NLRP7: variants seen among roughly 807,000 people sequenced by gnomAD.
NLRP7 encodes NACHT, LRR and PYD domains-containing protein 7.
In NLRP7, 72 loss-of-function variants were observed where a neutral mutation model predicts 85.5. The ratio of observed to expected loss-of-function variants is 0.84; its 90% CI spans 0.70 to 1.02. The LOEUF is 1.02. Ranked by LOEUF, NLRP7 falls within the 50% of genes least tolerant of loss-of-function variation. The probability of loss-of-function intolerance (pLI) is 0.00; values close to 1 mark genes in which losing one functional copy is unlikely to be tolerated. For synonymous variants in NLRP7, 550 were observed against 505.2 expected, an observed-to-expected ratio of 1.09 and a Z score of -1.19; for missense variants, 1,243 against 1,219.5, an observed-to-expected ratio of 1.02 and a Z score of -0.29.
At chr19:54,960,744 C>T (rs900554820) in intron 1 of NLRP7, among the ~76,000 whole-genome samples, 15 of 152,072 alleles carry the variant, frequency 9.9e-5, no homozygotes, top group African/African-American at 2.4e-4. Flanking sequence ...TACAGGCACC[C>T]GCCACCGTGC....
exon 4 of NLRP7, chr19:54,939,704 G>A (rs1276773769): frequency 6.2e-7 from 1 of 1,613,528 alleles, no homozygotes; most frequent in South Asian, 1.1e-5. Flanking sequence ...CAGCTTCAGA[G>A]TCGTGCACAC....
Position 54,933,673 on chromosome 19 carries a change from C to G in NLRP7, c.2538G>C (p.Lys846Asn), listed in dbSNP as rs369911398. Residue 846 changes from lysine to asparagine, a missense_variant, in exon 8 of 10, where the codon AAG (lysine) becomes AAC (asparagine). This residue lies in a region of NLRP7 where 613 missense variants were observed against 588.4 expected (regional missense o/e 1.04). Coordinates refer to ENST00000340844, the Ensembl canonical transcript of NLRP7. ...TGGCCAAGCACAGGTGTGTCAGCTTCTTGCTGACAACCAAGACAGCAGCAA... is the reference window on the plus strand; with the variant it reads ...TGGCCAAGCACAGGTGTGTCAGCTTGTTGCTGACAACCAAGACAGCAGCAA... 6 of 1,613,882 alleles carry G rather than the reference C, an allele frequency of 3.7e-6. No individual in the cohort carries two copies. In the African/African-American group the frequency reaches 8.0e-5, roughly 22 times the overall value.
At chr19:54,959,625 C>T (rs1322677688) in intron 1 of NLRP7, among the ~76,000 whole-genome samples, 4 of 151,584 alleles carry the variant, frequency 2.6e-5, no homozygotes, top group Non-Finnish European at 5.9e-5. Flanking sequence ...CCAGCCTGGG[C>T]AACATAGCAA....
intron 9 of NLRP7, among the ~76,000 whole-genome samples, chr19:54,925,764 C>T (rs775868): frequency 0.023 from 3,446 of 152,040 alleles, 111 homozygotes; most frequent in African/African-American, 0.077. Context: ...TTTGGGAGGC[C>T]GAGGTGGGCA....
chr19:54,931,644 C>T (rs1037643358), intron 8 of NLRP7, among the ~76,000 whole-genome samples: 2 of 148,488 alleles, frequency 1.3e-5, no homozygotes, highest in Non-Finnish European at 3.0e-5. Context: ...GCAGAGATTG[C>T]ACCATTGCAC....
chr19:54,962,736 A>G (rs1434795706), intron 1 of NLRP7, among the ~76,000 whole-genome samples: 1 of 151,108 alleles, frequency 6.6e-6, no homozygotes, highest in Non-Finnish European at 1.5e-5. Flanking sequence ...AGTAGCTGGG[A>G]CTACAGGCGC....
intron 4 of NLRP7, 116 bp downstream of exon 4, chr19:54,938,772 T>A (rs2069059058): frequency 1.7e-6 from 2 of 1,157,270 alleles, no homozygotes; most frequent in South Asian, 2.5e-5. Context: ...TGTCTCCACG[T>A]TGAACATGAA....
At position 54,934,656 on chromosome 19, in the gene NLRP7, C is replaced by T. The variant is rs1374564644; in HGVS notation, c.2304G>A (p.Leu768=). Residue 768 remains leucine, a synonymous_variant, in exon 7 of 10, where the codon TTG becomes TTA. Coordinates refer to ENST00000340844, the Ensembl canonical transcript of NLRP7. This position sits in a 1 kb window ranked among gnomAD's most constrained non-coding sequence, Gnocchi z 6.7. Reference sequence around the variant, plus strand: ...GCTCCGGGGTGGCACAGTGACCTCCCAACCTGTGAAAAGAGTGGGAAAAGT... The same window carrying T: ...GCTCCGGGGTGGCACAGTGACCTCCTAACCTGTGAAAAGAGTGGGAAAAGT... 6.2e-7 allele frequency: 1 copy of T among 1,612,616 alleles called. No individual in the cohort carries two copies. Among genetic ancestry groups the T allele is most frequent in the African/African-American group, 1.3e-5 (1 of 74,856 alleles).
At chr19:54,956,211 G>A (rs539252495) in intron 1 of NLRP7, among the ~76,000 whole-genome samples, 40 of 152,160 alleles carry the variant, frequency 2.6e-4, no homozygotes, top group South Asian at 2.1e-3. Context: ...AAGGAAGGAA[G>A]GAAGGAAGTC....
intron 1 of NLRP7, among the ~76,000 whole-genome samples, chr19:54,943,547 G>A (rs1403338445): frequency 6.6e-6 from 1 of 151,578 alleles, no homozygotes; most frequent in Non-Finnish European, 1.5e-5. Flanking sequence ...CTTGCAGTGA[G>A]CGGAGATCGC....
Position 54,936,137 on chromosome 19 carries a change from T to C in NLRP7, c.2300+124A>G, listed in dbSNP as rs536451677. On this transcript the variant is annotated intron_variant, in intron 6 of 9. Transcript: ENST00000340844. ...AGAGGCCGACTCCCCCACACAGGCCTGTTTGAGGAATACATTCCCTGTCTG... is the reference window on the plus strand; with the variant it reads ...AGAGGCCGACTCCCCCACACAGGCCCGTTTGAGGAATACATTCCCTGTCTG... The C allele has an allele frequency of 9.1e-5, 76 of 830,954 alleles. No individual in the cohort carries two copies. The East Asian group carries it at 1.7e-3, about 19-fold the overall frequency. 51.5% of individuals were successfully genotyped at this position (830,954 alleles called of 1,614,324 possible).
intron 9 of NLRP7, among the ~76,000 whole-genome samples, chr19:54,929,594 G>A (rs1022736816): frequency 6.6e-6 from 1 of 152,050 alleles, no homozygotes; most frequent in Admixed American, 6.6e-5. Flanking sequence ...TCCCACCTAT[G>A]GTTCCCTGGG....
intron 5 of NLRP7, 38 bp downstream of exon 5, chr19:54,938,006 C>T (rs75675646): frequency 6.6e-6 from 10 of 1,505,130 alleles, no homozygotes; most frequent in South Asian, 5.6e-5. Context: ...GCTTAGTCAT[C>T]GTTCAGGGTC....
chr19:54,940,926 C>T lies in NLRP7; in HGVS notation c.352+5G>A. On this transcript the variant is annotated splice_donor_5th_base_variant and intron_variant, in intron 3 of 9. Coordinates refer to ENST00000340844, the Ensembl canonical transcript of NLRP7. ...ACTCATGACCATAGGACCGTATTTA[C>T]CCACCTGGCTTTGCTAACTCCGAGT... 6.3e-7 allele frequency: 1 copy of T among 1,585,220 alleles called. No homozygotes were observed. The highest frequency in any genetic ancestry group is 8.7e-7 in the Non-Finnish European group (1 of 1,153,702).
chr19:54,940,942 AAC>A lies in NLRP7; in HGVS notation c.339_340del (p.Glu113AspfsTer6). 1 of 1,610,550 alleles carries A rather than the reference AAC, an allele frequency of 6.2e-7. No individual in the cohort carries two copies. The highest frequency in any genetic ancestry group is 8.5e-7 in the Non-Finnish European group (1 of 1,176,822). ...CCGTATTTACCCACCTGGCTTTGCT[AAC>A]TCCGAGTCTTCTTCTGCATCTCCCA... On this transcript the variant is annotated frameshift_variant, in exon 3 of 10. Transcript: ENST00000340844. LOFTEE classifies it high-confidence loss of function.
chr19:54,947,413 G>A, intron 1 of NLRP7, 56 bp downstream of exon 1: 1 of 1,225,442 alleles, frequency 8.2e-7, no homozygotes. Flanking sequence ...TCAACCAATA[G>A]CTTCTTCTCC....
upstream of NLRP7, among the ~76,000 whole-genome samples, chr19:54,951,711 A>G (rs117888370): frequency 1.6e-4 from 24 of 151,724 alleles, no homozygotes; most frequent in East Asian, 4.7e-3. Flanking sequence ...CCTCCTCATC[A>G]TTGCTGTAGA....
chr19:54,963,947 C>G (rs2070176102), intron 1 of NLRP7, among the ~76,000 whole-genome samples: 1 of 149,028 alleles, frequency 6.7e-6, no homozygotes, highest in South Asian at 2.1e-4. Context: ...GTGGTGCGGT[C>G]TCGGCTCACT....
At position 54,934,691 on chromosome 19, in the gene NLRP7, G is replaced by A; in HGVS notation, c.2301-32C>T. On this transcript the variant is annotated intron_variant, in intron 6 of 9. Coordinates refer to ENST00000340844, the Ensembl canonical transcript of NLRP7. This position sits in a 1 kb window ranked among gnomAD's most constrained non-coding sequence, Gnocchi z 6.7. ...AAAGAGTGGGAAAAGTCATTCTTCT[G>A]GGAGGACAGAGTATACCCTATCAGC... 1 of 1,591,274 alleles carries A rather than the reference G, an allele frequency of 6.3e-7. No individual in the cohort carries two copies. Among genetic ancestry groups the A allele is most frequent in the Non-Finnish European group, 8.6e-7 (1 of 1,165,976 alleles).
Sources: gnomAD v4.1 joint callset for allele counts (sites outside exome capture counted in the v4.1 genomes callset) on GRCh38, gnomAD v4.1.1 for gene constraint, gnomAD v4.1.1 regional missense constraint, Gnocchi (gnomAD v3.1) non-coding constraint, MANE v1.5 for transcripts, NCBI Gene and HGNC (gene_info 2026-07-23, HGNC 2026-07-21) for gene names.